Variants in CYP20A1 observed in about 807,000 individuals in gnomAD.
The protein encoded by CYP20A1 is cytochrome P450 family 20 subfamily A member 1.
Under a neutral mutation model 61.4 loss-of-function variants are expected in CYP20A1, and 61 were observed. That is an observed-to-expected ratio of 0.99 (90% CI 0.81 to 1.23). CYP20A1 has a LOEUF of 1.23. Among genes scored for constraint, CYP20A1 ranks in the 50% most tolerant of loss-of-function variants. The probability of loss-of-function intolerance (pLI) is 0.00; values close to 1 mark genes in which losing one functional copy is unlikely to be tolerated. For missense variants in CYP20A1, 530 were observed against 542.4 expected, an observed-to-expected ratio of 0.98 and a Z score of 0.23; for synonymous variants, 193 against 188.2, an observed-to-expected ratio of 1.03 and a Z score of -0.21.
intron 4 of CYP20A1, among the ~76,000 whole-genome samples, chr2:203,262,264 C>CTCTTT (rs2067164410): frequency 6.6e-6 from 1 of 151,982 alleles, no homozygotes; most frequent in Non-Finnish European, 1.5e-5. Flanking sequence ...CACTATGTTG[C>CTCTTT]CAAGTCTGGC....
At chr2:203,242,358 T>C (rs2066282428) in intron 1 of CYP20A1, among the ~76,000 whole-genome samples, 4 of 152,114 alleles carry the variant, frequency 2.6e-5, no homozygotes, top group African/African-American at 7.2e-5. Flanking sequence ...AGATATCAAG[T>C]ATAGATAGCT....
At chr2:203,284,837 CT>C (rs1027066189) in intron 8 of CYP20A1, among the ~76,000 whole-genome samples, 1 of 150,804 alleles carries the variant, frequency 6.6e-6, no homozygotes, top group African/African-American at 2.4e-5. Context: ...CCTCAACCTC[CT>C]GGGCTCAAGT....
chr2:203,243,398 T>C (rs959333735), intron 1 of CYP20A1, among the ~76,000 whole-genome samples: 6 of 149,640 alleles, frequency 4.0e-5, no homozygotes, highest in African/African-American at 1.5e-4. Context: ...CTCGCCTCTT[T>C]CTTTTTTTTT....
chr2:203,254,171 C>T (rs2066808012), intron 4 of CYP20A1, among the ~76,000 whole-genome samples: 1 of 152,028 alleles, frequency 6.6e-6, no homozygotes, highest in Admixed American at 6.6e-5. Context: ...TGGTCTTGAA[C>T]TCCTGACCTT....
At chr2:203,268,956 A>T (rs2067445174) in intron 5 of CYP20A1, among the ~76,000 whole-genome samples, 4 of 152,162 alleles carry the variant, frequency 2.6e-5, no homozygotes, top group Admixed American at 2.6e-4. Context: ...CAGTTGGGAG[A>T]TGTCATCAGT....
intron 1 of CYP20A1, among the ~76,000 whole-genome samples, chr2:203,243,318 A>G (rs1341211827): frequency 2.0e-5 from 3 of 151,448 alleles, no homozygotes; most frequent in Non-Finnish European, 4.4e-5. Context: ...TAATTTTTGT[A>G]TTTTTAGTAG....
intron 8 of CYP20A1, among the ~76,000 whole-genome samples, chr2:203,284,138 A>T (rs2152100640): frequency 6.6e-6 from 1 of 152,364 alleles, no homozygotes; most frequent in African/African-American, 2.4e-5. Flanking sequence ...ATTGAGTACC[A>T]GGTTACTACT....
chr2:203,255,114 T>G (rs1288459276), intron 4 of CYP20A1, among the ~76,000 whole-genome samples: 1 of 152,202 alleles, frequency 6.6e-6, no homozygotes, highest in Non-Finnish European at 1.5e-5. Context: ...GCCATCACCC[T>G]GGTTTAGATT....
At chr2:203,253,373 G>A (rs1372896079) in intron 4 of CYP20A1, among the ~76,000 whole-genome samples, 2 of 152,166 alleles carry the variant, frequency 1.3e-5, no homozygotes, top group Non-Finnish European at 2.9e-5. Flanking sequence ...CCCTGGCCCA[G>A]GGCTCCGGGC....
In CYP20A1 at chr2:203,273,888, A is replaced by C. The variant is rs549403019; in HGVS notation, c.679+1140A>C. ...CTTGAACCCTGGAGGCAGAAGTTGC[A>C]GTGAGCTGAGATCGTGCCACTGCAC... On this transcript the variant is annotated intron_variant, in intron 6 of 12. Transcript: ENST00000356079. Among the ~76,000 whole-genome samples, 5 of 152,306 alleles carry C rather than the reference A, an allele frequency of 3.3e-5. No homozygotes were observed. The South Asian group carries it at 1.0e-3, about 32-fold the overall frequency.
At position 203,298,405 on chromosome 2, in the gene CYP20A1, C is replaced by G; in HGVS notation, c.*1497C>G. ...ACCCTGCCTTTAAAAAAACAAAAAA[C>G]AAAAAAGGCCGGGCTCGGTGGCTCA... On this transcript the variant is annotated 3_prime_UTR_variant, in exon 13 of 13. Coordinates refer to ENST00000356079, the MANE Select transcript of CYP20A1 (RefSeq NM_177538.3). The G allele has an allele frequency of 5.8e-6, 1 of 172,440 alleles. No homozygotes were observed. The highest frequency in any genetic ancestry group is 1.2e-5 in the Non-Finnish European group (1 of 81,986). The allele number at this position is 172,440 out of a possible 1,614,324, so 10.7% of individuals were successfully genotyped here. A position where few individuals can be genotyped will look rare whatever the true frequency, so the allele number is the denominator to read the frequency against.
At chr2:203,244,122 C>T (rs2066363110) in intron 1 of CYP20A1, among the ~76,000 whole-genome samples, 1 of 151,148 alleles carries the variant, frequency 6.6e-6, no homozygotes. Flanking sequence ...ATTAAATGCC[C>T]CCGCCCCCCG....
chr2:203,248,630 G>A (rs967398475), intron 3 of CYP20A1, among the ~76,000 whole-genome samples: 1 of 152,124 alleles, frequency 6.6e-6, no homozygotes, highest in African/African-American at 2.4e-5. Context: ...GATAAAGATA[G>A]CATTTTATGA....
At chr2:203,246,613 T>C (rs1471315678) in intron 2 of CYP20A1, 142 bp from the exon 3 acceptor site, 3 of 760,284 alleles carry the variant, frequency 3.9e-6, no homozygotes, top group Non-Finnish European at 6.4e-6. Flanking sequence ...GCAAATATAA[T>C]TGAGTTTTGG....
chr2:203,278,915 C>T (rs533063615), intron 7 of CYP20A1, among the ~76,000 whole-genome samples: 15 of 152,166 alleles, frequency 9.9e-5, no homozygotes, highest in African/African-American at 3.1e-4. Context: ...AGATACCCTC[C>T]TAGAGTTCAG....
At chr2:203,266,396 A>T in intron 4 of CYP20A1, 118 bp from the exon 5 acceptor site, 1 of 827,782 alleles carries the variant, frequency 1.2e-6, no homozygotes, top group Non-Finnish European at 1.9e-6. Flanking sequence ...TTCGTACCTG[A>T]ATGTTGACTT....
At chr2:203,239,521 GACGA>G (rs2066171549) in intron 1 of CYP20A1, among the ~76,000 whole-genome samples, 2 of 152,180 alleles carry the variant, frequency 1.3e-5, no homozygotes, top group Admixed American at 1.3e-4. Flanking sequence ...AGTGTGTCAG[GACGA>G]GACTCCTGGG....
At chr2:203,251,184 A>C (rs1432347226) in intron 3 of CYP20A1, among the ~76,000 whole-genome samples, 1 of 150,484 alleles carries the variant, frequency 6.6e-6, no homozygotes, top group Admixed American at 6.7e-5. Context: ...TTACAATGAC[A>C]GTGTATCTTT....
intron 4 of CYP20A1, among the ~76,000 whole-genome samples, chr2:203,258,786 T>C (rs1311698749): frequency 6.6e-6 from 1 of 152,214 alleles, no homozygotes; most frequent in East Asian, 1.9e-4. Context: ...GCTTTTTGTT[T>C]GCCATAGCTG....
Sources: allele counts gnomAD v4.1 joint callset (sites outside exome capture counted in the v4.1 genomes callset), GRCh38; gene constraint gnomAD v4.1.1; transcripts MANE v1.5; gene names NCBI Gene and HGNC (gene_info 2026-07-23, HGNC 2026-07-21).